The following EYS variants were observed in gnomAD, a reference collection of about 807,000 sequenced individuals.
The protein encoded by EYS is EGF-like photoreceptor maintenance factor.
In EYS, 250 loss-of-function variants were observed where a neutral mutation model predicts 282.1. The observed-to-expected ratio is 0.89, with a 90% CI of 0.80 to 0.98. EYS has a LOEUF of 0.98. Ranked by LOEUF, EYS falls within the 50% of genes least tolerant of loss-of-function variation. The pLI is 0.00. For missense variants in EYS, 4,016 were observed against 3,709.0 expected (o/e 1.08, Z -2.15); for synonymous variants, 1,355 against 1,282.9 (o/e 1.06, Z -1.20).
intron 37 of EYS, among the ~76,000 whole-genome samples, chr6:63,801,142 A>G (rs534318708): frequency 4.6e-5 from 7 of 152,192 alleles, no homozygotes; most frequent in Non-Finnish European, 1.0e-4. Flanking sequence ...TGTATGTTAG[A>G]ACCATCCCAT....
chr6:64,523,118 C>A (rs988519234), intron 26 of EYS, among the ~76,000 whole-genome samples: 2 of 151,434 alleles, frequency 1.3e-5, no homozygotes, highest in East Asian at 3.9e-4. Context: ...TTTGAGCTTA[C>A]AACTAAATCC....
At chr6:64,090,369 G>GA (rs1283868084) in intron 31 of EYS, among the ~76,000 whole-genome samples, 2 of 151,976 alleles carry the variant, frequency 1.3e-5, no homozygotes, top group Non-Finnish European at 2.9e-5. Context: ...GATTCACTTG[G>GA]AAAAATATAG....
At chr6:65,448,974 C>T (rs906311518) in intron 5 of EYS, among the ~76,000 whole-genome samples, 5 of 152,036 alleles carry the variant, frequency 3.3e-5, no homozygotes, top group Non-Finnish European at 7.4e-5. Flanking sequence ...AACAACAGTT[C>T]TGATTTAATG....
intron 12 of EYS, among the ~76,000 whole-genome samples, chr6:65,280,747 G>A (rs1429639406): frequency 6.6e-6 from 1 of 151,702 alleles, no homozygotes; most frequent in East Asian, 1.9e-4. Context: ...GCTGGGCGCA[G>A]TGGCTCACGC....
Position 65,190,641 on chromosome 6 carries a change from G to T in EYS, c.2023+105222C>A, listed in dbSNP as rs1277201025. Reference sequence around the variant, plus strand: ...GCTGATTACCTAAAATTCAAAATATGAATAGGCCCAGTATAAATTGTTTAT... The same window carrying T: ...GCTGATTACCTAAAATTCAAAATATTAATAGGCCCAGTATAAATTGTTTAT... On this transcript the variant is annotated intron_variant, in intron 12 of 42. Coordinates refer to ENST00000503581, the MANE Select transcript of EYS (RefSeq NM_001142800.2). Among the ~76,000 whole-genome samples the T allele has an allele frequency of 4.6e-5, 7 of 151,700 alleles. No homozygotes were observed. The East Asian group carries it at 1.2e-3, about 25-fold the overall frequency.
At chr6:65,416,561 A>G (rs891390047) in intron 5 of EYS, among the ~76,000 whole-genome samples, 2 of 152,032 alleles carry the variant, frequency 1.3e-5, no homozygotes, top group Non-Finnish European at 2.9e-5. Context: ...TAGCTCTGCT[A>G]TCCTAACAAT....
intron 35 of EYS, among the ~76,000 whole-genome samples, chr6:63,964,557 T>C (rs913967961): frequency 1.3e-5 from 2 of 152,216 alleles, no homozygotes; most frequent in African/African-American, 4.8e-5. Context: ...AAACATGCTT[T>C]CTTACAGATG....
intron 2 of EYS, among the ~76,000 whole-genome samples, chr6:65,553,361 A>C (rs9354265): frequency 0.55 from 83,434 of 151,950 alleles, 22,943 homozygotes; most frequent in East Asian, 0.71. Flanking sequence ...TGTTTTGTTC[A>C]ATAAAAGGAA....
intron 14 of EYS, among the ~76,000 whole-genome samples, chr6:64,954,205 C>T (rs1018611288): frequency 2.0e-5 from 3 of 151,528 alleles, no homozygotes; most frequent in Non-Finnish European, 4.4e-5. Context: ...AGTTCTCTTA[C>T]GGCATGCCCT....
At chr6:63,892,828 C>G (rs1441834002) in intron 35 of EYS, among the ~76,000 whole-genome samples, 1 of 152,090 alleles carries the variant, frequency 6.6e-6, no homozygotes, top group East Asian at 1.9e-4. Context: ...TGCAATCTGT[C>G]CATCTGACAA....
chr6:64,515,932 C>T (rs1292756168), intron 26 of EYS, among the ~76,000 whole-genome samples: 1 of 151,632 alleles, frequency 6.6e-6, no homozygotes, highest in African/African-American at 2.4e-5. Flanking sequence ...TAAGTAATTC[C>T]CATATAATTT....
intron 11 of EYS, among the ~76,000 whole-genome samples, chr6:65,320,811 GCCTTAGCT>G (rs1562094973): frequency 6.6e-6 from 1 of 152,122 alleles, no homozygotes; most frequent in East Asian, 1.9e-4. Flanking sequence ...GAAAAAGGTG[GCCTTAGCT>G]AAGGCCACCA....
intron 5 of EYS, among the ~76,000 whole-genome samples, chr6:65,442,804 A>G (rs1471968898): frequency 1.3e-5 from 2 of 151,506 alleles, no homozygotes; most frequent in African/African-American, 4.8e-5. Flanking sequence ...ATAGACACAC[A>G]CACATGCATA....
At chr6:65,511,682 G>A (rs1766873807) in intron 2 of EYS, among the ~76,000 whole-genome samples, 1 of 152,028 alleles carries the variant, frequency 6.6e-6, no homozygotes, top group South Asian at 2.1e-4. Flanking sequence ...GACAGGCGAG[G>A]TGACTCATGC....
At chr6:63,762,101 A>C (rs957254314) in intron 41 of EYS, among the ~76,000 whole-genome samples, 1 of 152,012 alleles carries the variant, frequency 6.6e-6, no homozygotes, top group African/African-American at 2.4e-5. Context: ...GTTTTGAGTG[A>C]GATGGAAAAT....
intron 12 of EYS, among the ~76,000 whole-genome samples, chr6:65,257,629 T>C (rs890506026): frequency 1.3e-5 from 2 of 151,612 alleles, no homozygotes; most frequent in African/African-American, 4.9e-5. Context: ...CATTGATCTA[T>C]ATCTCTGTTT....
At chr6:65,413,002 T>C (rs1486197528) in intron 5 of EYS, among the ~76,000 whole-genome samples, 1 of 152,126 alleles carries the variant, frequency 6.6e-6, no homozygotes, top group African/African-American at 2.4e-5. Context: ...TGATTTTCTG[T>C]GCCTTGGATT....
At chr6:64,923,688 G>A (rs1768424954) in intron 15 of EYS, among the ~76,000 whole-genome samples, 1 of 152,152 alleles carries the variant, frequency 6.6e-6, no homozygotes, top group Non-Finnish European at 1.5e-5. Context: ...GTTCCAAATG[G>A]GAGAAATTGG....
chr6:64,100,509 C>G (rs1279884206), intron 31 of EYS, among the ~76,000 whole-genome samples: 1 of 151,280 alleles, frequency 6.6e-6, no homozygotes, highest in African/African-American at 2.4e-5. Flanking sequence ...TTTTTTTTTC[C>G]ACAGCATTTT....
Sources: gnomAD v4.1 joint callset for allele counts (sites outside exome capture counted in the v4.1 genomes callset) on GRCh38, gnomAD v4.1.1 for gene constraint, MANE v1.5 for transcripts, NCBI Gene and HGNC (gene_info 2026-07-23, HGNC 2026-07-21) for gene names.